The following SUN1 variants were observed in gnomAD, a reference collection of about 807,000 sequenced individuals.
SUN1 encodes Sad1 and UNC84 domain containing 1.
Under a neutral mutation model 103.2 loss-of-function variants are expected in SUN1, and 61 were observed. That is an observed-to-expected ratio of 0.59 (90% confidence interval 0.48 to 0.73). The LOEUF (loss-of-function observed/expected upper bound fraction) is 0.73. SUN1 is among the 30% of genes least tolerant of loss of function. SUN1 has a pLI of 0.00. For missense variants in SUN1, 1,052 were observed against 1,034.6 expected (o/e 1.02, Z -0.23); for synonymous variants, 490 against 425.7 (o/e 1.15, Z -1.86).
At chr7:850,414 T>C (rs4130000) in intron 5 of SUN1, 106,270 of 171,018 alleles carry the variant, frequency 0.62, 33,058 homozygotes, top group African/African-American at 0.65. Context: ...TTAGCCAGGA[T>C]GGTCTCGATT....
chr7:843,061 C>T, intron 3 of SUN1, 145 bp from the exon 4 acceptor site: 1 of 1,172,444 alleles, frequency 8.5e-7, no homozygotes, highest in South Asian at 1.4e-5. Context: ...TATCTGGAGG[C>T]ATTTTAGGAA....
chr7:821,532 C>T (rs116625076), intron 1 of SUN1, among the ~76,000 whole-genome samples: 1 of 152,066 alleles, frequency 6.6e-6, no homozygotes, highest in Non-Finnish European at 1.5e-5. Context: ...GTTTCCTGGT[C>T]CTGAATTTAT....
At chr7:848,659 T>G (rs575658775) in intron 5 of SUN1, 4 of 1,271,920 alleles carry the variant, frequency 3.1e-6, no homozygotes, top group Non-Finnish European at 4.1e-6. Context: ...AATCACACTT[T>G]CGCAGTGGAG....
At chr7:861,567 C>T in intron 15 of SUN1, 103 bp downstream of exon 15, 1 of 1,121,380 alleles carries the variant, frequency 8.9e-7, no homozygotes, top group Non-Finnish European at 1.3e-6. Flanking sequence ...AGTAAGGACT[C>T]CTAACTTTTA....
intron 17 of SUN1, 27 bp downstream of exon 17, chr7:869,543 C>G (rs921402235): frequency 3.1e-6 from 5 of 1,603,800 alleles, no homozygotes; most frequent in East Asian, 4.5e-5. Flanking sequence ...GACCCTCCTC[C>G]TCCCACACCT....
chr7:871,451 G>A (rs1259154998), intron 17 of SUN1, among the ~76,000 whole-genome samples: 3 of 152,032 alleles, frequency 2.0e-5, no homozygotes, highest in East Asian at 1.9e-4. Flanking sequence ...GCAGTGGCAC[G>A]ATCTCAGTTC....
At chr7:821,403 C>T (rs533446431) in intron 1 of SUN1, among the ~76,000 whole-genome samples, 71 of 152,142 alleles carry the variant, frequency 4.7e-4, no homozygotes, top group African/African-American at 1.4e-3. Flanking sequence ...CTCTTGACCT[C>T]GTGATCCGCC....
intron 1 of SUN1, chr7:816,762 C>T (rs1453961084): frequency 6.8e-6 from 1 of 147,474 alleles, no homozygotes; most frequent in Non-Finnish European, 1.5e-5. Flanking sequence ...GCCGGGGGGA[C>T]GCGGGGTCGC....
At chr7:834,365 GTCCAGCTCTGGA>G (rs1800888670) in intron 1 of SUN1, among the ~76,000 whole-genome samples, 1 of 152,200 alleles carries the variant, frequency 6.6e-6, no homozygotes, top group Non-Finnish European at 1.5e-5. Context: ...CCTCGGGGAG[GTCCAGCTCTGGA>G]TCAGGACCAG....
In SUN1 at chr7:874,180, C is replaced by G. The variant is rs2128617661; in HGVS notation, c.*849C>G. 6.6e-6 allele frequency: 1 copy of G among 152,546 alleles called. No homozygotes were observed. The highest frequency in any genetic ancestry group is 1.9e-4 in the East Asian group (1 of 5,192). The allele number at this position is 152,546 out of a possible 1,614,324, so 9.4% of individuals were successfully genotyped here. ...CAAGACGCCCTGAGCCTCCCTCTCA[C>G]TGGTGGTGATAAGAGGAGCCGTCTG... On this transcript the variant is annotated 3_prime_UTR_variant, in exon 19 of 19. Coordinates refer to ENST00000401592, the MANE Select transcript of SUN1 (RefSeq NM_001130965.3).
intron 1 of SUN1, among the ~76,000 whole-genome samples, chr7:820,668 C>G: frequency 6.6e-6 from 1 of 152,154 alleles, no homozygotes; most frequent in South Asian, 2.1e-4. Flanking sequence ...TTGAATATGA[C>G]ATTCACTGAG....
At chr7:852,569 T>C in intron 7 of SUN1, 40 bp from the exon 8 acceptor site, 1 of 1,613,254 alleles carries the variant, frequency 6.2e-7, no homozygotes, top group Non-Finnish European at 8.5e-7. Flanking sequence ...ACCCTGACTT[T>C]CATTTTTTCT....
upstream of SUN1, chr7:830,846 C>G: frequency 1.5e-6 from 1 of 685,378 alleles, no homozygotes; most frequent in African/African-American, 2.0e-5. Flanking sequence ...TCGCTGAGCC[C>G]AGCTTTGGGT....
In SUN1 at chr7:855,824, T is replaced by G. The variant is rs144042725; in HGVS notation, c.1351-534T>G. 6.1e-4 allele frequency among the ~76,000 whole-genome samples: 92 copies of G among 150,810 alleles called. 1 individual carries two copies. In the East Asian group the frequency reaches 7.6e-3, roughly 13 times the overall value. On this transcript the variant is annotated intron_variant, in intron 11 of 18. Coordinates refer to ENST00000401592, the MANE Select transcript of SUN1 (RefSeq NM_001130965.3). ...CACCCGAGAGGGTCTGCGGGGCGCC[T>G]CCTCCTCTGTCCGCCCAAGAGGGTC...
At chr7:856,011 G>A (rs945219150) in intron 11 of SUN1, among the ~76,000 whole-genome samples, 1 of 152,208 alleles carries the variant, frequency 6.6e-6, no homozygotes, top group Non-Finnish European at 1.5e-5. Context: ...GGCCAGCACG[G>A]CTCAGCTTCA....
Position 843,945 on chromosome 7 carries a change from G to T in SUN1, c.658+425G>T, listed in dbSNP as rs556814778. The T allele has an allele frequency of 2.5e-5, 27 of 1,068,108 alleles. No homozygotes were observed. In the African/African-American group the frequency reaches 4.5e-4, roughly 18 times the overall value. 66.2% of individuals were successfully genotyped at this position (1,068,108 alleles called of 1,614,324 possible). ...TTCGTGTCGGGAAAACATTTCCCGT[G>T]GTCGCTAGCCCTGTGCTTATGGTGA... On this transcript the variant is annotated intron_variant, in intron 5 of 18. Coordinates refer to ENST00000401592, the MANE Select transcript of SUN1 (RefSeq NM_001130965.3).
chr7:859,134 CAGAGCA>C (rs1222588722), intron 13 of SUN1, among the ~76,000 whole-genome samples: 2 of 142,150 alleles, frequency 1.4e-5, no homozygotes, highest in Non-Finnish European at 3.0e-5. Context: ...GCCTGGGTGA[CAGAGCA>C]AGACTCCGTC....
chr7:816,135 C>G (rs1177632368), upstream of SUN1: 2 of 300,244 alleles, frequency 6.7e-6, no homozygotes, highest in Non-Finnish European at 1.2e-5. Context: ...ATGCAGACCC[C>G]TCCCCAACGT....
chr7:832,684 A>G lies in SUN1; in HGVS notation c.77+83A>G, dbSNP rs116640378. On this transcript the variant is annotated intron_variant, in intron 1 of 18. Transcript: ENST00000401592. ...TGGCGTGGACCTTAACAGGAACTCC[A>G]TAGTACTACCGACTACATGCTGTAT... is the stretch of plus-strand genomic sequence containing the variant. 12 of 1,033,918 alleles carry G rather than the reference A, an allele frequency of 1.2e-5. No homozygotes were observed. The African/African-American group carries it at 1.6e-4, about 14-fold the overall frequency. 64.0% of individuals were successfully genotyped at this position (1,033,918 alleles called of 1,614,324 possible).
Sources: allele counts gnomAD v4.1 joint callset (sites outside exome capture counted in the v4.1 genomes callset), GRCh38; gene constraint gnomAD v4.1.1; transcripts MANE v1.5; gene names NCBI Gene and HGNC (gene_info 2026-07-23, HGNC 2026-07-21).